ITK: variants seen among roughly 807,000 people sequenced by gnomAD.
The protein encoded by ITK is tyrosine-protein kinase ITK/TSK.
A neutral mutation model predicts 87.6 loss-of-function variants in ITK; 45 were observed. That is an observed-to-expected ratio of 0.51 (90% CI 0.40 to 0.66). The LOEUF (loss-of-function observed/expected upper bound fraction) is 0.66. ITK is among the 30% of genes least tolerant of loss of function. The pLI, the probability that ITK is intolerant of heterozygous loss-of-function variation, is 0.00. For synonymous variants in ITK, 303 were observed against 273.6 expected (o/e 1.11, Z -1.06); for missense variants, 605 against 766.3 (o/e 0.79, Z 2.48).
chr5:157,231,117 G>T (rs531516240), intron 7 of ITK, among the ~76,000 whole-genome samples: 25 of 152,284 alleles, frequency 1.6e-4, no homozygotes, highest in Middle Eastern at 3.4e-3. Flanking sequence ...CATAGTCATG[G>T]GTTGGTAAAT....
At chr5:157,190,398 C>A (rs57044922) in intron 1 of ITK, among the ~76,000 whole-genome samples, 2 of 152,052 alleles carry the variant, frequency 1.3e-5, no homozygotes, top group Non-Finnish European at 2.9e-5. Context: ...TCATTTGTTC[C>A]GCAAACATTT....
chr5:157,243,488 G>A (rs376764268), intron 11 of ITK, 135 bp from the exon 12 acceptor site: 1 of 776,470 alleles, frequency 1.3e-6, no homozygotes, highest in African/African-American at 1.7e-5. Context: ...GTGGGAAAAA[G>A]ATAATTTATT....
At chr5:157,232,304 A>G (rs749481174) in intron 7 of ITK, 36 bp from the exon 8 acceptor site, 6 of 1,419,692 alleles carry the variant, frequency 4.2e-6, no homozygotes, top group Non-Finnish European at 5.0e-6. Flanking sequence ...AAACTTTAAA[A>G]TATGTCATTG....
At chr5:157,192,556 C>G (rs1012231154) in intron 1 of ITK, among the ~76,000 whole-genome samples, 1 of 152,234 alleles carries the variant, frequency 6.6e-6, no homozygotes, top group South Asian at 2.1e-4. Flanking sequence ...TCTTTACTCT[C>G]TCTGGGATTT....
chr5:157,214,529 C>T (rs534720564), intron 4 of ITK, among the ~76,000 whole-genome samples: 2 of 152,220 alleles, frequency 1.3e-5, no homozygotes, highest in African/African-American at 4.8e-5. Context: ...TTGAAGTGTG[C>T]TCTTTGGACC....
chr5:157,238,945 G>T (rs1046798827), intron 9 of ITK, among the ~76,000 whole-genome samples: 1 of 152,132 alleles, frequency 6.6e-6, no homozygotes, highest in Admixed American at 6.5e-5. Flanking sequence ...AGGTGTCTTC[G>T]GAAAATTTTT....
At chr5:157,244,187 T>C (rs1000989296) in intron 12 of ITK, 75 bp from the exon 13 acceptor site, 1 of 1,149,562 alleles carries the variant, frequency 8.7e-7, no homozygotes, top group Non-Finnish European at 1.3e-6. Flanking sequence ...CATTGGCTAT[T>C]TTGGTACCAT....
intron 2 of ITK, 52 bp from the exon 3 acceptor site, chr5:157,211,235 C>A (rs1561653373): frequency 1.4e-6 from 2 of 1,481,418 alleles, no homozygotes; most frequent in Non-Finnish European, 1.9e-6. Flanking sequence ...TGCTGTCAGT[C>A]AACTATCTCC....
At chr5:157,208,737 G>A in intron 1 of ITK, 152 bp from the exon 2 acceptor site, 1 of 664,844 alleles carries the variant, frequency 1.5e-6, no homozygotes, top group South Asian at 1.7e-5. Flanking sequence ...CCCACACTTA[G>A]GGCCAGGAGG....
At chr5:157,185,074 T>C (rs1462612068) in intron 1 of ITK, among the ~76,000 whole-genome samples, 1 of 152,114 alleles carries the variant, frequency 6.6e-6, no homozygotes, top group Non-Finnish European at 1.5e-5. Flanking sequence ...AAATTAAAGA[T>C]GGTAGGTGGG....
intron 1 of ITK, among the ~76,000 whole-genome samples, chr5:157,191,020 A>G (rs1753742708): frequency 6.6e-6 from 1 of 152,182 alleles, no homozygotes; most frequent in South Asian, 2.1e-4. Context: ...AATGGCCAAG[A>G]ATAGAAGCCA....
intron 1 of ITK, chr5:157,195,448 T>C (rs188472320): frequency 2.8e-4 from 43 of 152,352 alleles, no homozygotes; most frequent in Admixed American, 2.6e-3. Context: ...TTTTTAATCC[T>C]TAAAGAGATA....
intron 16 of ITK, among the ~76,000 whole-genome samples, chr5:157,249,370 CA>C (rs1306985925): frequency 1.3e-5 from 2 of 152,186 alleles, no homozygotes; most frequent in African/African-American, 4.8e-5. Flanking sequence ...ACTTGGGGAA[CA>C]AAGTTCACTT....
intron 1 of ITK, among the ~76,000 whole-genome samples, chr5:157,186,321 C>G (rs1159993138): frequency 6.7e-6 from 1 of 149,698 alleles, no homozygotes; most frequent in African/African-American, 2.5e-5. Flanking sequence ...TGCCCCAGGA[C>G]AAATCCTTGT....
chr5:157,244,034 G>A (rs1580908307), intron 12 of ITK: 1 of 667,462 alleles, frequency 1.5e-6, no homozygotes, highest in South Asian at 1.7e-5. Context: ...TCCATGACAT[G>A]CCAGCCACAC....
chr5:157,248,347 T>G (rs569221808), intron 15 of ITK, among the ~76,000 whole-genome samples: 2 of 152,338 alleles, frequency 1.3e-5, no homozygotes, highest in East Asian at 3.9e-4. Context: ...TTTTGCTTGG[T>G]CTACATGGCA....
At position 157,190,342 on chromosome 5, in the gene ITK, ACT is replaced by A. The variant is rs1187364529; in HGVS notation, c.138+9230_138+9231del. The stretch of plus-strand genomic sequence containing the variant: ...ATTATTGGTTTGTTTGTTTTTATTG[ACT>A]CTGTATCAAGGAAACGTTTCTGTGT... On this transcript the variant is annotated intron_variant, in intron 1 of 16. Coordinates refer to ENST00000422843, the MANE Select transcript of ITK (RefSeq NM_005546.4). 2.6e-5 allele frequency among the ~76,000 whole-genome samples: 4 copies of A among 151,976 alleles called. No homozygotes were observed. In the South Asian group the frequency reaches 8.3e-4, roughly 31 times the overall value.
At chr5:157,217,349 T>C (rs1754319612) in intron 4 of ITK, among the ~76,000 whole-genome samples, 1 of 151,954 alleles carries the variant, frequency 6.6e-6, no homozygotes, top group Non-Finnish European at 1.5e-5. Context: ...AAAGAACACA[T>C]ATTCAGATGC....
At chr5:157,206,156 C>A (rs572032392) in intron 1 of ITK, among the ~76,000 whole-genome samples, 1 of 151,752 alleles carries the variant, frequency 6.6e-6, no homozygotes. Context: ...AGTTTCACCA[C>A]GTTTCCCAGG....
Sources: gnomAD v4.1 joint callset for allele counts (sites outside exome capture counted in the v4.1 genomes callset) on GRCh38, gnomAD v4.1.1 for gene constraint, MANE v1.5 for transcripts, NCBI Gene and HGNC (gene_info 2026-07-23, HGNC 2026-07-21) for gene names.